Variants in TFAM observed in about 807,000 individuals in gnomAD.
TFAM encodes the protein mitochondrial transcription factor 1.
Under a neutral mutation model 30.6 loss-of-function variants are expected in TFAM, and 13 were observed. That is an observed-to-expected ratio of 0.42 (90% CI 0.28 to 0.67). The LOEUF is 0.67. TFAM is among the 30% of genes least tolerant of loss of function. TFAM has a pLI of 0.21. For synonymous variants in TFAM, 106 were observed against 94.8 expected, an observed-to-expected ratio of 1.12 and a Z score of -0.69; for missense variants, 231 against 293.7, an observed-to-expected ratio of 0.79 and a Z score of 1.56.
At position 58,397,749 on chromosome 10, in the gene TFAM, T is replaced by TTGTGTGTGTGTG. The variant is rs145920676; in HGVS notation, c.*2688_*2699dup. 1.4e-5 allele frequency: 2 copies of TTGTGTGTGTGTG among 143,034 alleles called. No homozygotes were observed. The highest frequency in any genetic ancestry group is 2.8e-5 in the African/African-American group (1 of 35,700). 8.9% of individuals were successfully genotyped at this position (143,034 alleles called of 1,614,324 possible). On this transcript the variant is annotated 3_prime_UTR_variant, in exon 7 of 7. Transcript: ENST00000487519. ...AATGACCACTCATATAAAGTCTTAT[T>TTGTGTGTGTGTG]TGTGTGTGTGTGTGTGTGTGTGTGC...
In TFAM at chr10:58,386,320, T is replaced by C. The variant is rs761334327; in HGVS notation, c.202T>C (p.Phe68Leu). The C allele has an allele frequency of 8.7e-6, 14 of 1,613,130 alleles. No homozygotes were observed. Among genetic ancestry groups the C allele is most frequent in the Non-Finnish European group, 1.2e-5 (14 of 1,179,300 alleles). Reference protein sequence around the residue: ...LRFSKEQLPIFKAQNPDAKTT... With the variant: ...LRFSKEQLPILKAQNPDAKTT... ...ATTTTCTAAAGAACAACTACCCATA[T>C]TTAAAGCTCAGAACCCAGGTAAGGA... Residue 68 changes from phenylalanine to leucine, a missense_variant, in exon 2 of 7, where the codon TTT (phenylalanine) becomes CTT (leucine). By Grantham distance (22) the Phe-to-Leu change is conservative (BLOSUM62 0). Transcript: ENST00000487519.
At chr10:58,394,487 G>A in intron 6 of TFAM, 73 bp downstream of exon 6, 1 of 1,248,882 alleles carries the variant, frequency 8.0e-7, no homozygotes, top group Non-Finnish European at 1.2e-6. Flanking sequence ...GGCAAGGCTT[G>A]ATTCATGTGA....
intron 1 of TFAM, among the ~76,000 whole-genome samples, 176 bp downstream of exon 1, chr10:58,385,824 ACT>A (rs1345970445): frequency 6.6e-6 from 1 of 151,102 alleles, no homozygotes; most frequent in Non-Finnish European, 1.5e-5. Flanking sequence ...GCCTTTATTT[ACT>A]CTCTTAATAC....
In TFAM at chr10:58,397,744, CTTA is replaced by C. The variant is rs1564570485; in HGVS notation, c.*2673_*2675del. Reference sequence around the variant, plus strand: ...TAACCAATGACCACTCATATAAAGTCTTATTTGTGTGTGTGTGTGTGTGTGTGT... The same window carrying C: ...TAACCAATGACCACTCATATAAAGTCTTTGTGTGTGTGTGTGTGTGTGTGT... On this transcript the variant is annotated 3_prime_UTR_variant, in exon 7 of 7. Coordinates refer to ENST00000487519, the MANE Select transcript of TFAM (RefSeq NM_003201.3). 3 of 131,724 alleles carry C rather than the reference CTTA, an allele frequency of 2.3e-5. No individual in the cohort carries two copies. The highest frequency in any genetic ancestry group is 3.1e-5 in the Non-Finnish European group (2 of 65,260). The allele number at this position is 131,724 out of a possible 1,614,324, so 8.2% of individuals were successfully genotyped here. A position where few individuals can be genotyped will look rare whatever the true frequency, so the allele number is the denominator to read the frequency against.
chr10:58,386,839 A>AC (rs1406886347), intron 2 of TFAM: 2 of 289,532 alleles, frequency 6.9e-6, no homozygotes, highest in Non-Finnish European at 1.0e-5. Context: ...TTTGATTCAG[A>AC]CCTCGACCTT....
intron 5 of TFAM, among the ~76,000 whole-genome samples, chr10:58,391,604 A>T (rs1840599673): frequency 6.6e-6 from 1 of 151,718 alleles, no homozygotes; most frequent in South Asian, 2.1e-4. Context: ...TGTTTATCTT[A>T]TGCTTTAAGC....
At chr10:58,387,589 AT>A (rs767577841) in intron 2 of TFAM, among the ~76,000 whole-genome samples, 9 of 152,154 alleles carry the variant, frequency 5.9e-5, no homozygotes, top group Non-Finnish European at 1.0e-4. Context: ...TGCTTGAAAT[AT>A]GGAAGGGAAG....
chr10:58,396,804 C>T lies in TFAM; in HGVS notation c.*1730C>T, dbSNP rs1374922078. 6.6e-6 allele frequency: 1 copy of T among 152,158 alleles called. No homozygotes were observed. The highest frequency in any genetic ancestry group is 1.5e-5 in the Non-Finnish European group (1 of 68,040). 9.4% of individuals were successfully genotyped at this position (152,158 alleles called of 1,614,324 possible). A position where few individuals can be genotyped will look rare whatever the true frequency, so the allele number is the denominator to read the frequency against. ...AAAAGATGACTTGTTATATGCTGAG[C>T]TTGACAAAGGTAGGAATGGGAGAGA... On this transcript the variant is annotated 3_prime_UTR_variant, in exon 7 of 7. Transcript: ENST00000487519.
chr10:58,388,375 C>A, intron 3 of TFAM, 115 bp downstream of exon 3: 1 of 918,422 alleles, frequency 1.1e-6, no homozygotes, highest in Non-Finnish European at 1.8e-6. Flanking sequence ...CTGTTATCTA[C>A]AAAGAAACTT....
intron 5 of TFAM, among the ~76,000 whole-genome samples, chr10:58,391,806 A>G (rs894087007): frequency 2.6e-5 from 4 of 151,028 alleles, no homozygotes; most frequent in Admixed American, 2.6e-4. Context: ...TTTTGCACCA[A>G]CCTAATAGTA....
At chr10:58,388,905 C>A in intron 4 of TFAM, 86 bp downstream of exon 4, 3 of 1,179,132 alleles carry the variant, frequency 2.5e-6, no homozygotes, top group Admixed American at 2.0e-5. Context: ...TCTTAATAGG[C>A]AAATAAAATA....
chr10:58,389,456 GT>G (rs1840551344), intron 4 of TFAM, among the ~76,000 whole-genome samples: 1 of 152,070 alleles, frequency 6.6e-6, no homozygotes, highest in Admixed American at 6.6e-5. Flanking sequence ...TTTGCTAGTC[GT>G]GTACCTACAC....
In TFAM at chr10:58,396,979, A is replaced by G. The variant is rs1195031076; in HGVS notation, c.*1905A>G. On this transcript the variant is annotated 3_prime_UTR_variant, in exon 7 of 7. Transcript: ENST00000487519. ...ATAGATAGGATGGGTTTGAGGCCAG[A>G]GCAGTCTGGGAGTAGGGGGAAAGAG... 1.3e-5 allele frequency: 2 copies of G among 152,374 alleles called. No homozygotes were observed. The highest frequency in any genetic ancestry group is 1.3e-4 in the Admixed American group (2 of 15,294). 9.4% of individuals were successfully genotyped at this position (152,374 alleles called of 1,614,324 possible).
At chr10:58,390,717 C>A in intron 4 of TFAM, 48 bp from the exon 5 acceptor site, 1 of 1,409,212 alleles carries the variant, frequency 7.1e-7, no homozygotes. Flanking sequence ...AAAATTAAGT[C>A]TCATGGAGGT....
At chr10:58,394,768 C>T (rs1453108898) in intron 6 of TFAM, among the ~76,000 whole-genome samples, 160 bp from the exon 7 acceptor site, 1 of 152,160 alleles carries the variant, frequency 6.6e-6, no homozygotes, top group Non-Finnish European at 1.5e-5. Context: ...ACTTTTATCT[C>T]ATGAAAATAT....
At chr10:58,386,501 C>T (rs1223589417) in intron 2 of TFAM, 163 bp downstream of exon 2, 2 of 734,766 alleles carry the variant, frequency 2.7e-6, no homozygotes, top group Non-Finnish European at 4.5e-6. Context: ...AATGGAAATG[C>T]TTTAAATATA....
intron 5 of TFAM, among the ~76,000 whole-genome samples, chr10:58,393,724 C>T (rs1270918381): frequency 6.6e-6 from 1 of 151,638 alleles, no homozygotes; most frequent in Non-Finnish European, 1.5e-5. Context: ...CCCATCTTTA[C>T]AAAAAAAGTT....
At position 58,386,601 on chromosome 10, in the gene TFAM, G is replaced by A. The variant is rs968795061; in HGVS notation, c.220+263G>A. The A allele has an allele frequency of 9.3e-6, 11 of 1,185,494 alleles. No individual in the cohort carries two copies. In the Admixed American group the frequency reaches 4.0e-4, roughly 43 times the overall value. 73.4% of individuals were successfully genotyped at this position (1,185,494 alleles called of 1,614,324 possible). A position where few individuals can be genotyped will look rare whatever the true frequency, so the allele number is the denominator to read the frequency against. On this transcript the variant is annotated intron_variant, in intron 2 of 6. Coordinates refer to ENST00000487519, the MANE Select transcript of TFAM (RefSeq NM_003201.3). ...ATAAAAAAGCTGAATTTGGGGCCTT[G>A]TTGCCTTTGGTCTAGAGGACCACTG... is the stretch of plus-strand genomic sequence containing the variant.
chr10:58,385,459 C>G lies in TFAM; in HGVS notation c.-89C>G, dbSNP rs1403220910. The G allele has an allele frequency of 1.6e-5, 16 of 992,816 alleles. No homozygotes were observed. The East Asian group carries it at 3.6e-4, about 23-fold the overall frequency. The allele number at this position is 992,816 out of a possible 1,614,324, so 61.5% of individuals were successfully genotyped here. A position where few individuals can be genotyped will look rare whatever the true frequency, so the allele number is the denominator to read the frequency against. ...TGATAACACACGCCGGAGGGTCGCA[C>G]GCGGGTTCCAGTTGTGATTGCTGGA... is the stretch of plus-strand genomic sequence containing the variant. On this transcript the variant is annotated 5_prime_UTR_variant, in exon 1 of 7. Transcript: ENST00000487519.
Sources: allele counts gnomAD v4.1 joint callset (sites outside exome capture counted in the v4.1 genomes callset), GRCh38; gene constraint gnomAD v4.1.1; transcripts MANE v1.5; gene names NCBI Gene and HGNC (gene_info 2026-07-23, HGNC 2026-07-21).